The following RBMS1 variants were observed in gnomAD, a reference collection of about 807,000 sequenced individuals.
RBMS1 encodes the protein RNA binding motif single stranded interacting protein 1, also known as RNA-binding motif, single-stranded-interacting protein 1.
A neutral mutation model predicts 62.3 loss-of-function variants in RBMS1; 17 were observed. The ratio of observed to expected loss-of-function variants is 0.27; its 90% confidence interval spans 0.19 to 0.41. The LOEUF (loss-of-function observed/expected upper bound fraction) is 0.41, where lower values mean the gene tolerates loss of function less well. RBMS1 is among the 10% of genes least tolerant of loss of function. The pLI, the probability that RBMS1 is intolerant of heterozygous loss-of-function variation, is 1.00. For missense variants in RBMS1, 334 were observed against 504.5 expected, an observed-to-expected ratio of 0.66 and a Z score of 3.24; for synonymous variants, 172 against 170.0, an observed-to-expected ratio of 1.01 and a Z score of -0.09.
intron 2 of RBMS1, among the ~76,000 whole-genome samples, chr2:160,339,412 T>TA (rs1163569064): frequency 6.6e-6 from 1 of 152,190 alleles, no homozygotes; most frequent in Non-Finnish European, 1.5e-5. Context: ...AATGACTTGT[T>TA]ACTCGTTTTT....
intron 1 of RBMS1, among the ~76,000 whole-genome samples, chr2:160,427,800 T>C (rs574064769): frequency 6.6e-6 from 1 of 152,338 alleles, no homozygotes; most frequent in Non-Finnish European, 1.5e-5. Flanking sequence ...GATTATGTTC[T>C]AGGCAAGTTC....
intron 1 of RBMS1, among the ~76,000 whole-genome samples, chr2:160,374,953 G>GA (rs1240824248): frequency 6.6e-6 from 1 of 151,858 alleles, no homozygotes; most frequent in Non-Finnish European, 1.5e-5. Context: ...GTGGGGGGGA[G>GA]GAATTGAACG....
chr2:160,303,541 ATGT>A, intron 4 of RBMS1, 54 bp from the exon 5 acceptor site: 1 of 1,526,064 alleles, frequency 6.6e-7, no homozygotes, highest in Non-Finnish European at 8.9e-7. Flanking sequence ...TGAGATATTT[ATGT>A]TAACACACCT....
chr2:160,293,104 C>T (rs1355975416), intron 6 of RBMS1, among the ~76,000 whole-genome samples: 1 of 152,172 alleles, frequency 6.6e-6, no homozygotes, highest in Non-Finnish European at 1.5e-5. Context: ...GGACATTCCA[C>T]ATGTCTTCAA....
At chr2:160,449,772 C>A (rs1683882167) in intron 1 of RBMS1, among the ~76,000 whole-genome samples, 1 of 152,098 alleles carries the variant, frequency 6.6e-6, no homozygotes, top group Admixed American at 6.5e-5. Flanking sequence ...CACTATTGTC[C>A]TGTGACCCTG....
intron 1 of RBMS1, among the ~76,000 whole-genome samples, chr2:160,368,697 G>A (rs1693552475): frequency 6.6e-6 from 1 of 152,158 alleles, no homozygotes; most frequent in Non-Finnish European, 1.5e-5. Context: ...GGAGTGCAGT[G>A]GTGCAATCTC....
At chr2:160,348,772 A>T (rs1357195045) in intron 2 of RBMS1, among the ~76,000 whole-genome samples, 1 of 152,160 alleles carries the variant, frequency 6.6e-6, no homozygotes, top group South Asian at 2.1e-4. Flanking sequence ...AATGATGATA[A>T]GAAAATGTAT....
intron 2 of RBMS1, among the ~76,000 whole-genome samples, chr2:160,366,667 C>T (rs1435901692): frequency 1.3e-5 from 2 of 152,184 alleles, no homozygotes; most frequent in Non-Finnish European, 2.9e-5. Flanking sequence ...TGCACACATC[C>T]CTTCAGAACA....
At chr2:160,323,624 A>C (rs112635100) in intron 2 of RBMS1, among the ~76,000 whole-genome samples, 11,222 of 150,820 alleles carry the variant, frequency 0.074, 596 homozygotes, top group South Asian at 0.19. Flanking sequence ...AAAAAAAAAA[A>C]AAAAAAACTG....
chr2:160,285,056 A>G lies in RBMS1; in HGVS notation c.757-12T>C, dbSNP rs200841568. 1,054 of 1,608,296 alleles carry G rather than the reference A, an allele frequency of 6.6e-4. 3 individuals are homozygous for G. The highest frequency in any genetic ancestry group is 8.7e-4 in the Admixed American group (52 of 60,014). ...AGTGTCATTCCAGCCTATGGGAAAG[A>G]GAAAGAAATATAAACATTCATCTAG... On this transcript the variant is annotated splice_polypyrimidine_tract_variant and intron_variant, in intron 7 of 13. Coordinates refer to ENST00000348849, the MANE Select transcript of RBMS1 (RefSeq NM_016836.4).
intron 1 of RBMS1, among the ~76,000 whole-genome samples, chr2:160,492,077 C>CAG (rs1315989400): frequency 6.6e-6 from 1 of 152,184 alleles, no homozygotes; most frequent in Non-Finnish European, 1.5e-5. Context: ...AAGGCTGAAT[C>CAG]AGAGATTCTT....
rs550170417 is a variant in RBMS1 at position 160,342,769 on chromosome 2, CAAAAAAAA to C, written c.251+24439_251+24446del. 3.1e-3 allele frequency among the ~76,000 whole-genome samples: 362 copies of C among 117,328 alleles called. 1 individual carries two copies. The highest frequency in any genetic ancestry group is 4.8e-3 in the Non-Finnish European group (281 of 58,168). The allele number at this position is 117,328 out of a possible 152,430, so 77.0% of individuals were successfully genotyped here. A position where few individuals can be genotyped will look rare whatever the true frequency, so the allele number is the denominator to read the frequency against. On this transcript the variant is annotated intron_variant, in intron 2 of 13. Coordinates refer to ENST00000348849, the MANE Select transcript of RBMS1 (RefSeq NM_016836.4). ...CCATCTCTACTAAAAATACAAAATA[CAAAAAAAA>C]AAAAAAAAAAAATAGCCGGGTACGG...
chr2:160,493,396 C>G lies in RBMS1; in HGVS notation c.-33G>C. On this transcript the variant is annotated 5_prime_UTR_variant, in exon 1 of 14. Coordinates refer to ENST00000348849, the MANE Select transcript of RBMS1 (RefSeq NM_016836.4). ...GAAGGGAGCCTGCCGTGCAGGGTCG[C>G]GGACACTTTGGGGTTTCCAAGTCTC... 6.2e-7 allele frequency: 1 copy of G among 1,606,958 alleles called. No individual in the cohort carries two copies. The highest frequency in any genetic ancestry group is 1.1e-5 in the South Asian group (1 of 90,904).
At chr2:160,448,481 A>C (rs1462386317) in intron 1 of RBMS1, among the ~76,000 whole-genome samples, 1 of 152,218 alleles carries the variant, frequency 6.6e-6, no homozygotes, top group East Asian at 1.9e-4. Flanking sequence ...TTTTTGATGG[A>C]GACGGGGTTT....
At chr2:160,471,551 T>G (rs1318532946) in intron 1 of RBMS1, among the ~76,000 whole-genome samples, 1 of 151,248 alleles carries the variant, frequency 6.6e-6, no homozygotes, top group Non-Finnish European at 1.5e-5. Flanking sequence ...TACAAATATG[T>G]GTGAATCACA....
At chr2:160,464,939 A>C (rs962260910) in intron 1 of RBMS1, among the ~76,000 whole-genome samples, 1 of 152,212 alleles carries the variant, frequency 6.6e-6, no homozygotes, top group African/African-American at 2.4e-5. Context: ...GAATAATTGC[A>C]ATGTGCTTAT....
chr2:160,320,205 T>C (rs549232593), intron 2 of RBMS1, among the ~76,000 whole-genome samples: 1 of 152,330 alleles, frequency 6.6e-6, no homozygotes, highest in African/African-American at 2.4e-5. Context: ...TGGTGGCTCA[T>C]GCCTGTAATA....
intron 1 of RBMS1, among the ~76,000 whole-genome samples, chr2:160,442,163 A>G (rs1485237340): frequency 6.6e-6 from 1 of 152,164 alleles, no homozygotes; most frequent in Non-Finnish European, 1.5e-5. Flanking sequence ...ATAATGTCCG[A>G]TTTATCAATT....
chr2:160,318,229 T>TAAAAAAAAAAAAAAAAAAAAAAAAA lies in RBMS1; in HGVS notation c.252-3_252-2insTTTTTTTTTTTTTTTTTTTTTTTTT, dbSNP rs5835799. 8.6e-6 allele frequency: 10 copies of TAAAAAAAAAAAAAAAAAAAAAAAAA among 1,164,710 alleles called. No homozygotes were observed. The highest frequency in any genetic ancestry group is 4.0e-5 in the South Asian group (2 of 49,564). 72.1% of individuals were successfully genotyped at this position (1,164,710 alleles called of 1,614,324 possible). A position where few individuals can be genotyped will look rare whatever the true frequency, so the allele number is the denominator to read the frequency against. The stretch of plus-strand genomic sequence containing the variant: ...TTTGTGGAGACTATTTTCCCATATC[T>TAAAAAAAAAAAAAAAAAAAAAAAAA]AAAAAAAAAAAAAAAAAAAAAAAGG... On this transcript the variant is annotated splice_polypyrimidine_tract_variant and splice_region_variant and intron_variant, in intron 2 of 13. Coordinates refer to ENST00000348849, the MANE Select transcript of RBMS1 (RefSeq NM_016836.4).
Sources: gnomAD v4.1 joint callset for allele counts (sites outside exome capture counted in the v4.1 genomes callset) on GRCh38, gnomAD v4.1.1 for gene constraint, MANE v1.5 for transcripts, NCBI Gene and HGNC (gene_info 2026-07-23, HGNC 2026-07-21) for gene names.